CCDC88C: variants seen among roughly 807,000 people sequenced by gnomAD.
CCDC88C encodes the protein coiled-coil and HOOK domain protein 88C, also known as protein Daple.
In CCDC88C, 131 loss-of-function variants were observed where a neutral mutation model predicts 198.8. That is an observed-to-expected ratio of 0.66 (90% CI 0.57 to 0.76). CCDC88C has a LOEUF of 0.76. CCDC88C is among the 30% of genes least tolerant of loss of function. The pLI is 0.00. For missense variants in CCDC88C, 2,553 were observed against 2,631.6 expected, an observed-to-expected ratio of 0.97 and a Z score of 0.65; for synonymous variants, 1,166 against 1,114.7, an observed-to-expected ratio of 1.05 and a Z score of -0.92.
chr14:91,417,771 G>A lies in CCDC88C; in HGVS notation c.-81C>T. On this transcript the variant is annotated 5_prime_UTR_variant, in exon 1 of 30. Coordinates refer to ENST00000389857, the MANE Select transcript of CCDC88C (RefSeq NM_001080414.4). ...CGCCGCGGCACAAAACGGCTCCGCAGCGAGCAGCGGGCGCGGGGCTGCGGC... is the reference window on the plus strand; with the variant it reads ...CGCCGCGGCACAAAACGGCTCCGCAACGAGCAGCGGGCGCGGGGCTGCGGC... 1.1e-5 allele frequency: 12 copies of A among 1,068,192 alleles called. No individual in the cohort carries two copies. Among genetic ancestry groups the A allele is most frequent in the Non-Finnish European group, 1.4e-5 (12 of 837,442 alleles). 66.2% of individuals were successfully genotyped at this position (1,068,192 alleles called of 1,614,324 possible). A position where few individuals can be genotyped will look rare whatever the true frequency, so the allele number is the denominator to read the frequency against.
intron 17 of CCDC88C, among the ~76,000 whole-genome samples, chr14:91,307,606 T>C (rs374051135): frequency 1.7e-3 from 260 of 152,366 alleles, no homozygotes; most frequent in African/African-American, 6.1e-3. Flanking sequence ...GGAGCAGCTT[T>C]ATCCAGATTC....
intron 25 of CCDC88C, among the ~76,000 whole-genome samples, chr14:91,286,660 A>C (rs17127209): frequency 0.24 from 36,210 of 152,204 alleles, 4,439 homozygotes; most frequent in South Asian, 0.41. Flanking sequence ...CACACCACAG[A>C]ATAAGGGACC....
At chr14:91,403,501 G>C (rs1886326962) in intron 3 of CCDC88C, among the ~76,000 whole-genome samples, 2 of 152,188 alleles carry the variant, frequency 1.3e-5, no homozygotes, top group Admixed American at 1.3e-4. Flanking sequence ...AGCCACTGCT[G>C]CACAGGGCGG....
intron 12 of CCDC88C, among the ~76,000 whole-genome samples, chr14:91,323,985 C>T (rs931909146): frequency 6.6e-6 from 1 of 151,802 alleles, no homozygotes; most frequent in Non-Finnish European, 1.5e-5. Context: ...GCTTAGATGT[C>T]TATCAGAATT....
At chr14:91,376,837 A>G (rs1884452934) in intron 3 of CCDC88C, among the ~76,000 whole-genome samples, 3 of 152,200 alleles carry the variant, frequency 2.0e-5, no homozygotes, top group African/African-American at 7.2e-5. Context: ...TCTCAGTCAC[A>G]CTGCCGAGCC....
At position 91,381,112 on chromosome 14, in the gene CCDC88C, T is replaced by C. The variant is rs1303855387; in HGVS notation, c.271-21401A>G. 6.6e-6 allele frequency among the ~76,000 whole-genome samples: 1 copy of C among 152,156 alleles called. No individual in the cohort carries two copies. On this transcript the variant is annotated intron_variant, in intron 3 of 29. Coordinates refer to ENST00000389857, the MANE Select transcript of CCDC88C (RefSeq NM_001080414.4). The surrounding 1 kb of genome is among the most constrained non-coding windows in gnomAD (Gnocchi z 4.2). ...AACCCACTGAAAGCCACTGGTCCCA[T>C]TACAGGAAAGGTTACCTCCATCACT...
rs1036666320 is a variant in CCDC88C at position 91,284,594 on chromosome 14, G to A, written c.4442-1077C>T. Among the ~76,000 whole-genome samples, 10 of 152,156 alleles carry A rather than the reference G, an allele frequency of 6.6e-5. No homozygotes were observed. The highest frequency in any genetic ancestry group is 1.3e-4 in the Non-Finnish European group (9 of 68,024). On this transcript the variant is annotated intron_variant, in intron 25 of 29. Coordinates refer to ENST00000389857, the MANE Select transcript of CCDC88C (RefSeq NM_001080414.4). This position sits in a 1 kb window ranked among gnomAD's most constrained non-coding sequence, Gnocchi z 4.1. ...AGAAAGCACAATTCCAACAGCATGC[G>A]CGGAAGGCAGGTCTGGAGGACCCGG...
At chr14:91,336,620 C>T (rs1000674430) in intron 10 of CCDC88C, among the ~76,000 whole-genome samples, 6 of 152,220 alleles carry the variant, frequency 3.9e-5, no homozygotes, top group Non-Finnish European at 8.8e-5. Flanking sequence ...TGGCCCATCT[C>T]CAGGACAAAG....
At position 91,313,630 on chromosome 14, in the gene CCDC88C, T is replaced by C. The variant is rs766167182; in HGVS notation, c.2186A>G (p.Glu729Gly). 1 of 1,612,732 alleles carries C rather than the reference T, an allele frequency of 6.2e-7. No homozygotes were observed. The highest frequency in any genetic ancestry group is 1.1e-5 in the South Asian group (1 of 91,086). The change falls in exon 15 of 30, where the codon GAG (glutamate) becomes GGG (glycine). Residue 729 changes from glutamate to glycine, a missense_variant. By Grantham distance (98) the Glu-to-Gly change is moderately conservative. This residue lies in a region of CCDC88C where 1,260 missense variants were observed against 1,412.0 expected (regional missense o/e 0.89). Coordinates refer to ENST00000389857, the MANE Select transcript of CCDC88C (RefSeq NM_001080414.4). The surrounding 1 kb of genome is among the most constrained non-coding windows in gnomAD (Gnocchi z 5.2). The stretch of plus-strand genomic sequence containing the variant: ...CTTCTCACGCTCCAGCTGCTGGTTC[T>C]CCCTCTCCATCTGTGCCAGCTTGGT... ...TSTKLAQMER[E>G]NQQLEREKEE...
intron 3 of CCDC88C, among the ~76,000 whole-genome samples, chr14:91,373,491 C>T (rs984796204): frequency 6.6e-6 from 1 of 152,154 alleles, no homozygotes; most frequent in Non-Finnish European, 1.5e-5. Flanking sequence ...CTCCTTAGCC[C>T]CCACTCGCTC....
At chr14:91,391,687 G>A (rs969163021) in intron 3 of CCDC88C, among the ~76,000 whole-genome samples, 1 of 152,136 alleles carries the variant, frequency 6.6e-6, no homozygotes, top group Non-Finnish European at 1.5e-5. Context: ...GCTGAGGCAG[G>A]AGAATCGCTT....
intron 4 of CCDC88C, among the ~76,000 whole-genome samples, chr14:91,357,471 T>C (rs958949914): frequency 5.3e-5 from 8 of 152,230 alleles, no homozygotes; most frequent in Non-Finnish European, 1.0e-4. Flanking sequence ...CGGTCTTTCA[T>C]TGCATTTGTA....
intron 13 of CCDC88C, among the ~76,000 whole-genome samples, chr14:91,320,002 CA>C (rs1567073931): frequency 1.7e-5 from 1 of 60,038 alleles, no homozygotes; most frequent in East Asian, 4.5e-4. Context: ...CCAGCCTGGG[CA>C]ACAAGAACAA....
intron 20 of CCDC88C, among the ~76,000 whole-genome samples, chr14:91,302,198 C>T (rs1476383458): frequency 1.3e-5 from 2 of 152,220 alleles, no homozygotes; most frequent in African/African-American, 4.8e-5. Context: ...TTTGTGGCTC[C>T]TGACCGTGGA....
intron 2 of CCDC88C, 109 bp from the exon 3 acceptor site, chr14:91,408,876 G>T (rs1886651441): frequency 7.0e-6 from 5 of 709,646 alleles, no homozygotes; most frequent in Non-Finnish European, 1.0e-5. Flanking sequence ...TGACCATGAG[G>T]CTGTGCTGTG....
chr14:91,337,230 T>C (rs990925429), intron 10 of CCDC88C, among the ~76,000 whole-genome samples: 2 of 152,216 alleles, frequency 1.3e-5, no homozygotes, highest in Admixed American at 1.3e-4. Context: ...TCCCAGAACC[T>C]TGATAAGATT....
rs201806419 is a variant in CCDC88C, at chr14:91,313,472, T to A, written c.2344A>T (p.Thr782Ser). The A allele has an allele frequency of 1.2e-6, 2 of 1,607,942 alleles. No individual in the cohort carries two copies. Among genetic ancestry groups the A allele is most frequent in the African/African-American group, 2.7e-5 (2 of 75,060 alleles). Reference protein sequence around the residue: ...QQSLESSSHKTQTLESELGEL... With the variant: ...QQSLESSSHKSQTLESELGEL... ...CCCAGCTCACTCTCCAAGGTCTGCG[T>A]CTTGTGGCTGCTGCTCTCCAGGCTC... Residue 782 changes from threonine (T) to serine (S), a missense_variant, in exon 15 of 30, where the codon ACG (threonine) becomes TCG (serine). Thr to Ser is a moderately conservative substitution (Grantham distance 58). This residue lies in a region of CCDC88C where 1,260 missense variants were observed against 1,412.0 expected (regional missense o/e 0.89). Coordinates refer to ENST00000389857, the MANE Select transcript of CCDC88C (RefSeq NM_001080414.4). This position sits in a 1 kb window ranked among gnomAD's most constrained non-coding sequence, Gnocchi z 5.2.
chr14:91,279,050 C>A (rs927062430), intron 28 of CCDC88C, among the ~76,000 whole-genome samples, 188 bp downstream of exon 28: 1 of 151,812 alleles, frequency 6.6e-6, no homozygotes, highest in East Asian at 1.9e-4. Flanking sequence ...CACAGGCATG[C>A]GCCACCACGC....
intron 3 of CCDC88C, among the ~76,000 whole-genome samples, chr14:91,386,289 CAA>C (rs1239070390): frequency 9.4e-6 from 1 of 106,890 alleles, no homozygotes; most frequent in Admixed American, 1.0e-4. Context: ...ACTAAAAATA[CAA>C]AAAAAAAAAA....
Sources: gnomAD v4.1 joint callset for allele counts (sites outside exome capture counted in the v4.1 genomes callset) on GRCh38, gnomAD v4.1.1 for gene constraint, gnomAD v4.1.1 regional missense constraint, Gnocchi (gnomAD v3.1) non-coding constraint, MANE v1.5 for transcripts, NCBI Gene and HGNC (gene_info 2026-07-23, HGNC 2026-07-21) for gene names.